Variants in ZNF326 observed in about 807,000 individuals in gnomAD.
The protein encoded by ZNF326 is zinc finger protein 326, also known as DBIRD complex subunit ZNF326.
In ZNF326, 30 loss-of-function variants were observed where a neutral mutation model predicts 63.1. That is an observed-to-expected ratio of 0.48 (90% CI 0.36 to 0.64). The LOEUF is 0.64. ZNF326 is among the 30% of genes least tolerant of loss of function. The pLI is 0.00. For missense variants in ZNF326, 609 were observed against 720.3 expected, an observed-to-expected ratio of 0.85 and a Z score of 1.77; for synonymous variants, 194 against 228.2, an observed-to-expected ratio of 0.85 and a Z score of 1.35.
At chr1:90,024,683 T>G (rs1649929183) in intron 11 of ZNF326, among the ~76,000 whole-genome samples, 1 of 152,042 alleles carries the variant, frequency 6.6e-6, no homozygotes, top group South Asian at 2.1e-4. Flanking sequence ...GGTGCGATAA[T>G]AGCTCACTGC....
At position 90,007,829 on chromosome 1, in the gene ZNF326, G is replaced by A; in HGVS notation, c.615+79G>A. 1 of 1,290,384 alleles carries A rather than the reference G, an allele frequency of 7.7e-7. No homozygotes were observed. Among genetic ancestry groups the A allele is most frequent in the Non-Finnish European group, 1.0e-6 (1 of 979,346 alleles). 79.9% of individuals were successfully genotyped at this position (1,290,384 alleles called of 1,614,324 possible). A position where few individuals can be genotyped will look rare whatever the true frequency, so the allele number is the denominator to read the frequency against. ...CTTTCAAGACCATCGTTTTCAACTA[G>A]AATAAACACTGTTCATCCCGGTGTA... On this transcript the variant is annotated intron_variant, in intron 5 of 11. Transcript: ENST00000340281. The surrounding 1 kb of genome is among the most constrained non-coding windows in gnomAD (Gnocchi z 4.9).
In ZNF326 at chr1:90,013,057, G is replaced by C. The variant is rs1002272322; in HGVS notation, c.815-69G>C. 12 of 1,347,456 alleles carry C rather than the reference G, an allele frequency of 8.9e-6. No individual in the cohort carries two copies. The African/African-American group carries it at 1.6e-4, about 18-fold the overall frequency. The allele number at this position is 1,347,456 out of a possible 1,614,324, so 83.5% of individuals were successfully genotyped here. On this transcript the variant is annotated intron_variant, in intron 6 of 11. Transcript: ENST00000340281. ...TATACCTCATAAGTATGTACTTTAC[G>C]AACTGATGATTGGAAAGAGAGAATG...
chr1:90,027,462 GA>G lies in ZNF326; in HGVS notation c.1511del (p.Asp504ValfsTer12). 1.2e-6 allele frequency: 2 copies of G among 1,613,374 alleles called. No homozygotes were observed. Among genetic ancestry groups the G allele is most frequent in the Non-Finnish European group, 1.7e-6 (2 of 1,179,528 alleles). On this transcript the variant is annotated frameshift_variant, in exon 12 of 12. Coordinates refer to ENST00000340281, the MANE Select transcript of ZNF326 (RefSeq NM_182976.4). LOFTEE classifies it low-confidence loss of function (END_TRUNC). ...DEPIEEEEDE[D>X]EEEEAEEVGE... Reference sequence around the variant, plus strand: ...ACCTATTGAAGAAGAGGAGGATGAAGATGAGGAAGAAGAAGCAGAGGAAGTG... The same window carrying G: ...ACCTATTGAAGAAGAGGAGGATGAAGTGAGGAAGAAGAAGCAGAGGAAGTG...
chr1:90,012,519 G>A (rs1000354824), intron 6 of ZNF326, among the ~76,000 whole-genome samples: 14 of 152,270 alleles, frequency 9.2e-5, no homozygotes, highest in African/African-American at 3.1e-4. Flanking sequence ...AGATGGTTGC[G>A]TAACTTTGTG....
chr1:90,004,277 C>A (rs1570295507), intron 2 of ZNF326, among the ~76,000 whole-genome samples: 3 of 151,916 alleles, frequency 2.0e-5, no homozygotes, highest in Admixed American at 2.0e-4. Context: ...TGGTCTCAAT[C>A]TGTGATTTTA....
At position 90,007,797 on chromosome 1, in the gene ZNF326, T is replaced by C. The variant is rs905632101; in HGVS notation, c.615+47T>C. 1.4e-6 allele frequency: 2 copies of C among 1,452,120 alleles called. No individual in the cohort carries two copies. Among genetic ancestry groups the C allele is most frequent in the African/African-American group, 2.8e-5 (2 of 70,514 alleles). The allele number at this position is 1,452,120 out of a possible 1,614,324, so 90.0% of individuals were successfully genotyped here. Reference sequence around the variant, plus strand: ...CAGATTCTTTTCACTAGTCACTCTTTTAAACCCTTTCAAGACCATCGTTTT... The same window carrying C: ...CAGATTCTTTTCACTAGTCACTCTTCTAAACCCTTTCAAGACCATCGTTTT... On this transcript the variant is annotated intron_variant, in intron 5 of 11. Coordinates refer to ENST00000340281, the MANE Select transcript of ZNF326 (RefSeq NM_182976.4). The surrounding 1 kb of genome is among the most constrained non-coding windows in gnomAD (Gnocchi z 4.9).
chr1:90,024,942 C>G (rs900138537), intron 11 of ZNF326, among the ~76,000 whole-genome samples: 1 of 148,496 alleles, frequency 6.7e-6, no homozygotes, highest in Non-Finnish European at 1.5e-5. Context: ...CTAATTCCAT[C>G]ATTATTTCTT....
At position 90,023,011 on chromosome 1, in the gene ZNF326, A is replaced by AAT. The variant is rs535946202; in HGVS notation, c.1401+667_1401+668insTA. Among the ~76,000 whole-genome samples the AAT allele has an allele frequency of 7.7e-3, 1,178 of 152,276 alleles. 5 individuals carry two copies. Among genetic ancestry groups the AAT allele is most frequent in the Non-Finnish European group, 0.012 (826 of 68,002 alleles). ...GAGAGGTTTGCTTCTAATATTATGA[A>AAT]ACTCAGATGTGAACAATTGGATATA... On this transcript the variant is annotated intron_variant, in intron 11 of 11. Transcript: ENST00000340281.
chr1:89,998,159 G>A lies in ZNF326; in HGVS notation c.61+5G>A, dbSNP rs755333357. 29 of 1,612,802 alleles carry A rather than the reference G, an allele frequency of 1.8e-5. No individual in the cohort carries two copies. The highest frequency in any genetic ancestry group is 2.3e-5 in the Non-Finnish European group (27 of 1,179,758). The stretch of plus-strand genomic sequence containing the variant: ...ATACTTATCAGGGCTTTAATGGTAA[G>A]TATCCTCTTTCAGCTTTTCTCTTCA... On this transcript the variant is annotated splice_donor_5th_base_variant and intron_variant, in intron 2 of 11. Coordinates refer to ENST00000340281, the MANE Select transcript of ZNF326 (RefSeq NM_182976.4).
rs1432719792 is a variant in ZNF326, at chr1:89,995,244, C to T, written c.-14C>T. On this transcript the variant is annotated 5_prime_UTR_variant, in exon 1 of 12. Coordinates refer to ENST00000340281, the MANE Select transcript of ZNF326 (RefSeq NM_182976.4). ...GCCTAGCGCCGCCAAGGCCGACGGC[C>T]CTCAGCCTCTGCCATGGACTTCGAG... The T allele has an allele frequency of 1.3e-6, 2 of 1,551,430 alleles. No homozygotes were observed. The highest frequency in any genetic ancestry group is 1.9e-5 in the Admixed American group (1 of 52,190).
rs1038291887 is a variant in ZNF326 at position 90,006,108 on chromosome 1, G to A, written c.209+864G>A. 8.1e-6 allele frequency: 8 copies of A among 985,210 alleles called. No homozygotes were observed. In the Admixed American group the frequency reaches 1.8e-4, roughly 23 times the overall value. The allele number at this position is 985,210 out of a possible 1,614,324, so 61.0% of individuals were successfully genotyped here. On this transcript the variant is annotated intron_variant, in intron 4 of 11. Transcript: ENST00000340281. ...ATTCCTTAATGATGGACTGAATGAT[G>A]CTTACTTTCCTTCTTTCTGCTTCCA...
In ZNF326 at chr1:90,007,566, G is replaced by A. The variant is rs1407300899; in HGVS notation, c.431G>A (p.Gly144Glu). The A allele has an allele frequency of 1.9e-6, 3 of 1,613,228 alleles. No homozygotes were observed. The highest frequency in any genetic ancestry group is 4.5e-5 in the East Asian group (2 of 44,836). The change falls in exon 5 of 12, where the codon GGG (glycine) becomes GAG (glutamate). Residue 144 changes from glycine to glutamate, a missense_variant. By Grantham distance (98) the Gly-to-Glu change is moderately conservative (BLOSUM62 -2). This residue lies in a region of ZNF326 where 113 missense variants were observed against 187.4 expected (regional missense o/e 0.60). Coordinates refer to ENST00000340281, the MANE Select transcript of ZNF326 (RefSeq NM_182976.4). The surrounding 1 kb of genome is among the most constrained non-coding windows in gnomAD (Gnocchi z 4.9). Reference protein sequence around the residue: ...APYSRSKLRPGFMEDRGRENY... With the variant: ...APYSRSKLRPEFMEDRGRENY... ...TACTCCCGTTCAAAATTGAGGCCTG[G>A]GTTTATGGAGGACAGAGGAAGAGAG...
rs1648279542 is a variant in ZNF326, at chr1:89,995,192, C to CG, written c.-64dup. ...AGTGATCGTGTGGAATCGCGGGTCGCGGACGCTCGCCGCCGGCCATAGCTC... is the reference window on the plus strand; with the variant it reads ...AGTGATCGTGTGGAATCGCGGGTCGCGGGACGCTCGCCGCCGGCCATAGCTC... On this transcript the variant is annotated 5_prime_UTR_variant, in exon 1 of 12. Transcript: ENST00000340281. 9.4e-5 allele frequency: 143 copies of CG among 1,516,766 alleles called. 2 individuals carry two copies. The South Asian group carries it at 1.7e-3, about 18-fold the overall frequency. The allele number at this position is 1,516,766 out of a possible 1,614,324, so 94.0% of individuals were successfully genotyped here.
intron 7 of ZNF326, among the ~76,000 whole-genome samples, chr1:90,015,551 G>A (rs1649463464): frequency 6.6e-6 from 1 of 152,142 alleles, no homozygotes; most frequent in Admixed American, 6.5e-5. Context: ...GTGGTGGCAC[G>A]TGCCTGTGGT....
chr1:90,027,872 G>A lies in ZNF326; in HGVS notation c.*171G>A. 1.6e-6 allele frequency: 1 copy of A among 628,456 alleles called. No homozygotes were observed. Among genetic ancestry groups the A allele is most frequent in the Non-Finnish European group, 2.7e-6 (1 of 375,306 alleles). The allele number at this position is 628,456 out of a possible 1,614,324, so 38.9% of individuals were successfully genotyped here. A position where few individuals can be genotyped will look rare whatever the true frequency, so the allele number is the denominator to read the frequency against. ...TTTAACATTTGTTTAATAAAATGAA[G>A]GCAAAACTATTTTAGTTTAGTTTTT... On this transcript the variant is annotated 3_prime_UTR_variant, in exon 12 of 12. Transcript: ENST00000340281.
chr1:90,011,538 T>TA (rs1215238181), intron 6 of ZNF326, among the ~76,000 whole-genome samples: 23 of 122,636 alleles, frequency 1.9e-4, no homozygotes, highest in African/African-American at 7.0e-4. Context: ...TTTTTTTTTT[T>TA]AAGTATAAAG....
Position 90,005,027 on chromosome 1 carries a change from G to C in ZNF326, c.86G>C (p.Gly29Ala), listed in dbSNP as rs774099889. ...GGAATGGATCGTGATTATGGCCCTGGATCTTATGGAGGTCTGACATTCAAG... is the reference window on the plus strand; with the variant it reads ...GGAATGGATCGTGATTATGGCCCTGCATCTTATGGAGGTCTGACATTCAAG... ...FNGMDRDYGP[G>A]SYGGMDRDYG... Residue 29 changes from glycine (G) to alanine (A), a missense_variant, in exon 3 of 12, where the codon GGA becomes GCA. Gly to Ala is a moderately conservative substitution (Grantham distance 60). Coordinates refer to ENST00000340281, the MANE Select transcript of ZNF326 (RefSeq NM_182976.4). 4 of 1,613,850 alleles carry C rather than the reference G, an allele frequency of 2.5e-6. No individual in the cohort carries two copies. The highest frequency in any genetic ancestry group is 3.4e-6 in the Non-Finnish European group (4 of 1,179,968).
intron 4 of ZNF326, chr1:90,005,700 T>G: frequency 1.0e-6 from 1 of 985,236 alleles, no homozygotes; most frequent in Non-Finnish European, 1.2e-6. Flanking sequence ...ACATTTACTT[T>G]CCAAGAAACA....
intron 9 of ZNF326, among the ~76,000 whole-genome samples, chr1:90,019,600 G>A (rs1196444384): frequency 6.6e-6 from 1 of 151,926 alleles, no homozygotes; most frequent in African/African-American, 2.4e-5. Context: ...AGAATTTGAT[G>A]TTTCTCAGTA....
Sources: allele counts gnomAD v4.1 joint callset (sites outside exome capture counted in the v4.1 genomes callset), GRCh38; gene constraint gnomAD v4.1.1; regional missense constraint gnomAD v4.1.1; non-coding constraint Gnocchi (gnomAD v3.1); transcripts MANE v1.5; gene names NCBI Gene and HGNC (gene_info 2026-07-23, HGNC 2026-07-21).